The following ANGPT1 variants were observed in gnomAD, a reference collection of about 807,000 sequenced individuals.
The protein encoded by ANGPT1 is angiopoietin-1.
Under a neutral mutation model 62.2 loss-of-function variants are expected in ANGPT1, and 17 were observed. The observed-to-expected ratio is 0.27, with a 90% CI of 0.19 to 0.41. The LOEUF (loss-of-function observed/expected upper bound fraction) is 0.41, where lower values mean the gene tolerates loss of function less well. Ranked by LOEUF, ANGPT1 falls within the 10% of genes least tolerant of loss-of-function variation. The pLI is 1.00. For synonymous variants in ANGPT1, 199 were observed against 198.9 expected (o/e 1.00, Z 0.00); for missense variants, 478 against 594.9 (o/e 0.80, Z 2.04).
chr8:107,356,138 T>C (rs1345375709), intron 1 of ANGPT1, among the ~76,000 whole-genome samples: 2 of 152,214 alleles, frequency 1.3e-5, no homozygotes. Flanking sequence ...CCAGCATTAA[T>C]GATGTACATA....
intron 1 of ANGPT1, among the ~76,000 whole-genome samples, chr8:107,369,634 G>T (rs1248262645): frequency 1.3e-5 from 2 of 151,968 alleles, no homozygotes; most frequent in Non-Finnish European, 2.9e-5. Context: ...CCTTTTACTT[G>T]AACACTCAGA....
intron 1 of ANGPT1, among the ~76,000 whole-genome samples, chr8:107,425,050 T>C (rs1228279329): frequency 6.6e-6 from 1 of 152,116 alleles, no homozygotes; most frequent in Non-Finnish European, 1.5e-5. Flanking sequence ...AATTTTTGTA[T>C]TTTTAGTAGA....
At chr8:107,438,279 C>T (rs1032860324) in intron 1 of ANGPT1, among the ~76,000 whole-genome samples, 1 of 152,012 alleles carries the variant, frequency 6.6e-6, no homozygotes, top group Admixed American at 6.6e-5. Context: ...TCCTTCTTCT[C>T]CTTCTTTGAT....
chr8:107,404,741 T>C (rs1817114282), intron 1 of ANGPT1, among the ~76,000 whole-genome samples: 1 of 152,088 alleles, frequency 6.6e-6, no homozygotes, highest in African/African-American at 2.4e-5. Flanking sequence ...TCAAGGTGTG[T>C]TCATTTAAAA....
intron 1 of ANGPT1, among the ~76,000 whole-genome samples, chr8:107,355,978 C>G (rs530663803): frequency 2.0e-4 from 30 of 152,270 alleles, no homozygotes; most frequent in African/African-American, 6.7e-4. Context: ...GTCTCAATAC[C>G]ATTTTGATAA....
chr8:107,481,740 G>A (rs1180760269), intron 1 of ANGPT1, among the ~76,000 whole-genome samples: 1 of 152,094 alleles, frequency 6.6e-6, no homozygotes, highest in African/African-American at 2.4e-5. Flanking sequence ...TCACAGGGCT[G>A]CAGGAAAGAG....
At chr8:107,337,861 G>A (rs1446336314) in intron 2 of ANGPT1, among the ~76,000 whole-genome samples, 1 of 152,112 alleles carries the variant, frequency 6.6e-6, no homozygotes, top group Non-Finnish European at 1.5e-5. Context: ...TTGGGAGGCT[G>A]TAGCAGGTGG....
intron 1 of ANGPT1, among the ~76,000 whole-genome samples, chr8:107,391,825 T>C (rs1816841566): frequency 6.6e-6 from 1 of 152,172 alleles, no homozygotes; most frequent in African/African-American, 2.4e-5. Context: ...CTGAATATGG[T>C]AGGCAATTGT....
chr8:107,345,106 T>C (rs1306052383), intron 2 of ANGPT1, among the ~76,000 whole-genome samples: 1 of 152,198 alleles, frequency 6.6e-6, no homozygotes, highest in East Asian at 1.9e-4. Flanking sequence ...AGGGCATAAT[T>C]TGAGCCATTG....
At chr8:107,479,030 C>T (rs971630565) in intron 1 of ANGPT1, among the ~76,000 whole-genome samples, 7 of 151,976 alleles carry the variant, frequency 4.6e-5, no homozygotes, top group African/African-American at 1.4e-4. Context: ...CATGATCTTT[C>T]GTCAGAGGGT....
intron 1 of ANGPT1, among the ~76,000 whole-genome samples, chr8:107,421,167 T>C (rs1165736231): frequency 6.6e-6 from 1 of 152,198 alleles, no homozygotes; most frequent in African/African-American, 2.4e-5. Flanking sequence ...TAACATTTTC[T>C]ATTTTGCACG....
At chr8:107,280,940 A>C (rs1563548076) in intron 7 of ANGPT1, among the ~76,000 whole-genome samples, 1 of 152,188 alleles carries the variant, frequency 6.6e-6, no homozygotes, top group Non-Finnish European at 1.5e-5. Flanking sequence ...GATCTGGATA[A>C]TACTACCTCT....
At chr8:107,277,909 C>T (rs368894844) in intron 7 of ANGPT1, among the ~76,000 whole-genome samples, 1 of 151,966 alleles carries the variant, frequency 6.6e-6, no homozygotes, top group African/African-American at 2.4e-5. Context: ...TGGATGGGAT[C>T]CTGAATCCAA....
rs560612899 is a variant in ANGPT1 at position 107,481,162 on chromosome 8, T to G, written c.297+16100A>C. Among the ~76,000 whole-genome samples the G allele has an allele frequency of 1.9e-4, 29 of 152,272 alleles. 1 individual carries two copies. The highest frequency in any genetic ancestry group is 6.5e-4 in the African/African-American group (27 of 41,568). ...AAACAAGGGCAATTTTTCAAGACTT[T>G]CCATGAAAAAGCATTAGGCATCCAC... On this transcript the variant is annotated intron_variant, in intron 1 of 8. Coordinates refer to ENST00000517746, the MANE Select transcript of ANGPT1 (RefSeq NM_001146.5).
At chr8:107,425,395 T>C (rs966923611) in intron 1 of ANGPT1, among the ~76,000 whole-genome samples, 2 of 152,150 alleles carry the variant, frequency 1.3e-5, no homozygotes, top group Admixed American at 1.3e-4. Flanking sequence ...CTAAGGATAA[T>C]GAGAGAAATT....
intron 7 of ANGPT1, among the ~76,000 whole-genome samples, chr8:107,282,522 A>C (rs1814034803): frequency 7.3e-6 from 1 of 136,396 alleles, no homozygotes; most frequent in African/African-American, 2.7e-5. Context: ...TATATCATAT[A>C]TTATATTATA....
At chr8:107,306,327 A>G (rs1260236266) in intron 4 of ANGPT1, among the ~76,000 whole-genome samples, 1 of 152,158 alleles carries the variant, frequency 6.6e-6, no homozygotes, top group Non-Finnish European at 1.5e-5. Flanking sequence ...GGTTTCATTC[A>G]TTGAATAAAT....
At chr8:107,319,723 A>G (rs1815106238) in intron 4 of ANGPT1, among the ~76,000 whole-genome samples, 1 of 152,082 alleles carries the variant, frequency 6.6e-6, no homozygotes, top group Admixed American at 6.6e-5. Flanking sequence ...CCAACGACTA[A>G]GGCTCCAGTG....
At chr8:107,351,928 T>A (rs992670638) in intron 1 of ANGPT1, among the ~76,000 whole-genome samples, 1 of 152,190 alleles carries the variant, frequency 6.6e-6, no homozygotes, top group South Asian at 2.1e-4. Context: ...GTTCATTGAA[T>A]CTTTAGAACA....
Sources: gnomAD v4.1 joint callset for allele counts (sites outside exome capture counted in the v4.1 genomes callset) on GRCh38, gnomAD v4.1.1 for gene constraint, MANE v1.5 for transcripts, NCBI Gene and HGNC (gene_info 2026-07-23, HGNC 2026-07-21) for gene names.